Variants in PARD6B observed in about 807,000 individuals in gnomAD.
PARD6B encodes partitioning defective 6 homolog beta.
A neutral mutation model predicts 10.5 loss-of-function variants in PARD6B; 4 were observed. That is an observed-to-expected ratio of 0.38 (90% CI 0.19 to 0.87). The LOEUF (loss-of-function observed/expected upper bound fraction) is 0.87. Ranked by LOEUF, PARD6B falls within the 40% of genes least tolerant of loss-of-function variation. The pLI, the probability that PARD6B is intolerant of heterozygous loss-of-function variation, is 0.41. For synonymous variants in PARD6B, 169 were observed against 170.4 expected, an observed-to-expected ratio of 0.99 and a Z score of 0.07; for missense variants, 396 against 470.6, an observed-to-expected ratio of 0.84 and a Z score of 1.47.
chr20:50,735,287 T>C (rs890790326), intron 1 of PARD6B, among the ~76,000 whole-genome samples: 41 of 152,370 alleles, frequency 2.7e-4, no homozygotes, highest in African/African-American at 9.4e-4. Flanking sequence ...AGCTAGTATG[T>C]GACTTTTCTT....
intron 2 of PARD6B, among the ~76,000 whole-genome samples, chr20:50,738,314 C>T (rs1248219683): frequency 1.3e-5 from 2 of 152,142 alleles, no homozygotes; most frequent in Non-Finnish European, 2.9e-5. Context: ...TTGTGTTAAC[C>T]TCTTTGGTTT....
intron 2 of PARD6B, among the ~76,000 whole-genome samples, chr20:50,743,044 T>G (rs1387519432): frequency 1.3e-5 from 2 of 152,228 alleles, no homozygotes; most frequent in African/African-American, 4.8e-5. Flanking sequence ...CAGAATAGAC[T>G]TTCTGCTCTC....
chr20:50,743,880 C>T (rs2087545678), intron 2 of PARD6B, among the ~76,000 whole-genome samples: 1 of 146,236 alleles, frequency 6.8e-6, no homozygotes, highest in Admixed American at 6.8e-5. Flanking sequence ...CAGAGCGAGA[C>T]TCCGTCTCAA....
rs112854632 is a variant in PARD6B, at chr20:50,752,711, G to C, written c.*2223G>C. 546 of 980,404 alleles carry C rather than the reference G, an allele frequency of 5.6e-4. No homozygotes were observed. The highest frequency in any genetic ancestry group is 6.4e-4 in the Non-Finnish European group (526 of 825,122). 60.7% of individuals were successfully genotyped at this position (980,404 alleles called of 1,614,324 possible). On this transcript the variant is annotated 3_prime_UTR_variant, in exon 3 of 3. Coordinates refer to ENST00000371610, the MANE Select transcript of PARD6B (RefSeq NM_032521.3). ...CAACAATGAAGATTCAAATGACTCC[G>C]CTTTGAAGGATGTTTTCTCTATATG...
intron 2 of PARD6B, among the ~76,000 whole-genome samples, chr20:50,747,892 G>A (rs1176800818): frequency 6.6e-6 from 1 of 152,172 alleles, no homozygotes; most frequent in Non-Finnish European, 1.5e-5. Context: ...AATGAGGCAG[G>A]AGCTCTCCAG....
intron 2 of PARD6B, among the ~76,000 whole-genome samples, chr20:50,744,347 C>T (rs2087552307): frequency 6.6e-6 from 1 of 151,936 alleles, no homozygotes; most frequent in Non-Finnish European, 1.5e-5. Flanking sequence ...CTCCCGACCT[C>T]TGGTAATCCG....
chr20:50,741,208 G>A (rs973648530), intron 2 of PARD6B, among the ~76,000 whole-genome samples: 5 of 151,970 alleles, frequency 3.3e-5, no homozygotes, highest in South Asian at 2.1e-4. Context: ...TGATCCACCC[G>A]TCTTGGCCTC....
chr20:50,732,911 A>G (rs1298576276), intron 1 of PARD6B, among the ~76,000 whole-genome samples: 1 of 151,954 alleles, frequency 6.6e-6, no homozygotes, highest in Non-Finnish European at 1.5e-5. Context: ...AATTTCAAAA[A>G]AAAAAAGTAA....
chr20:50,741,892 C>G (rs2087532853), intron 2 of PARD6B, among the ~76,000 whole-genome samples: 2 of 152,056 alleles, frequency 1.3e-5, no homozygotes, highest in African/African-American at 4.8e-5. Flanking sequence ...AACTAGAAAT[C>G]TGATTTTATG....
chr20:50,748,801 C>T (rs949223008), intron 2 of PARD6B, among the ~76,000 whole-genome samples: 5 of 152,078 alleles, frequency 3.3e-5, no homozygotes, highest in African/African-American at 4.8e-5. Flanking sequence ...GGATTATAGA[C>T]GTGAGGCACC....
intron 2 of PARD6B, among the ~76,000 whole-genome samples, chr20:50,748,896 G>A (rs1006614563): frequency 6.6e-6 from 1 of 152,006 alleles, no homozygotes; most frequent in Non-Finnish European, 1.5e-5. Context: ...TTTTAAGGCC[G>A]GACACAGTAG....
At position 50,753,040 on chromosome 20, in the gene PARD6B, T is replaced by C; in HGVS notation, c.*2552T>C. 1.0e-6 allele frequency: 1 copy of C among 978,786 alleles called. No homozygotes were observed. The highest frequency in any genetic ancestry group is 1.2e-6 in the Non-Finnish European group (1 of 826,068). The allele number at this position is 978,786 out of a possible 1,614,324, so 60.6% of individuals were successfully genotyped here. A position where few individuals can be genotyped will look rare whatever the true frequency, so the allele number is the denominator to read the frequency against. On this transcript the variant is annotated 3_prime_UTR_variant, in exon 3 of 3. Transcript: ENST00000371610. ...ATATAAGTGGTGCAGGGGTTCAACA[T>C]TTTAAGTAAAAATATTTTTACACAC...
chr20:50,746,030 T>C (rs1053513482), intron 2 of PARD6B, among the ~76,000 whole-genome samples: 6 of 152,226 alleles, frequency 3.9e-5, no homozygotes, highest in Non-Finnish European at 8.8e-5. Flanking sequence ...TGCTGTTTTG[T>C]TACTGTATGG....
intron 1 of PARD6B, among the ~76,000 whole-genome samples, chr20:50,733,219 A>C (rs1294284834): frequency 2.0e-5 from 3 of 152,224 alleles, no homozygotes; most frequent in Non-Finnish European, 4.4e-5. Context: ...CAGGAGTGCC[A>C]GACCAGCCTG....
Position 50,731,821 on chromosome 20 carries a change from G to A in PARD6B, c.35G>A (p.Gly12Asp), listed in dbSNP as rs1360182824. Reference protein sequence around the residue: ...NRSHRHGAGSGCLGTMEVKSK... With the variant: ...NRSHRHGAGSDCLGTMEVKSK... ...AGCCACCGGCACGGGGCGGGCAGCGGCTGCCTGGGCACTATGGAGGTGAAG... is the reference window on the plus strand; with the variant it reads ...AGCCACCGGCACGGGGCGGGCAGCGACTGCCTGGGCACTATGGAGGTGAAG... Residue 12 changes from glycine to aspartate, a missense_variant, in exon 1 of 3, where the codon GGC (glycine) becomes GAC (aspartate). Physicochemically the swap from Gly to Asp is moderately conservative, Grantham distance 94. Transcript: ENST00000371610. 1.4e-6 allele frequency: 2 copies of A among 1,463,716 alleles called. No individual in the cohort carries two copies. The highest frequency in any genetic ancestry group is 2.9e-5 in the African/African-American group (2 of 68,142). The allele number at this position is 1,463,716 out of a possible 1,614,324, so 90.7% of individuals were successfully genotyped here.
intron 2 of PARD6B, among the ~76,000 whole-genome samples, chr20:50,747,431 G>A (rs1426725129): frequency 1.3e-5 from 2 of 150,612 alleles, no homozygotes; most frequent in African/African-American, 4.9e-5. Flanking sequence ...GGAGGAGGAG[G>A]GAAGCCATTT....
At chr20:50,742,180 A>C (rs980754415) in intron 2 of PARD6B, among the ~76,000 whole-genome samples, 4 of 151,952 alleles carry the variant, frequency 2.6e-5, no homozygotes, top group African/African-American at 9.7e-5. Flanking sequence ...AGTGGCTGGG[A>C]CTACAGATGC....
In PARD6B at chr20:50,731,856, C is replaced by A; in HGVS notation, c.66+4C>A. 8 of 1,448,844 alleles carry A rather than the reference C, an allele frequency of 5.5e-6. No homozygotes were observed. Among genetic ancestry groups the A allele is most frequent in the Non-Finnish European group, 7.2e-6 (8 of 1,104,732 alleles). The allele number at this position is 1,448,844 out of a possible 1,614,324, so 89.7% of individuals were successfully genotyped here. A position where few individuals can be genotyped will look rare whatever the true frequency, so the allele number is the denominator to read the frequency against. Reference sequence around the variant, plus strand: ...CACTATGGAGGTGAAGAGCAAGGTGCGCGGGGCCCGGGCTGGGCGGAGCGG... The same window carrying A: ...CACTATGGAGGTGAAGAGCAAGGTGAGCGGGGCCCGGGCTGGGCGGAGCGG... On this transcript the variant is annotated splice_donor_region_variant and intron_variant, in intron 1 of 2. Coordinates refer to ENST00000371610, the MANE Select transcript of PARD6B (RefSeq NM_032521.3).
At chr20:50,745,296 T>C (rs1336073642) in intron 2 of PARD6B, among the ~76,000 whole-genome samples, 1 of 151,842 alleles carries the variant, frequency 6.6e-6, no homozygotes, top group Non-Finnish European at 1.5e-5. Context: ...TGGTGGTGCA[T>C]GCTTGTAATC....
Sources: gnomAD v4.1 joint callset for allele counts (sites outside exome capture counted in the v4.1 genomes callset) on GRCh38, gnomAD v4.1.1 for gene constraint, MANE v1.5 for transcripts, NCBI Gene and HGNC (gene_info 2026-07-23, HGNC 2026-07-21) for gene names.